RCOR1: variants seen among roughly 807,000 people sequenced by gnomAD.
The protein encoded by RCOR1 is REST corepressor 1.
A neutral mutation model predicts 64.0 loss-of-function variants in RCOR1; 12 were observed. That is an observed-to-expected ratio of 0.19 (90% CI 0.12 to 0.30). The LOEUF (loss-of-function observed/expected upper bound fraction) is 0.30, where lower values mean the gene tolerates loss of function less well. RCOR1 is among the 10% of genes least tolerant of loss of function. The probability of loss-of-function intolerance (pLI) is 1.00; values close to 1 mark genes in which losing one functional copy is unlikely to be tolerated. For missense variants in RCOR1, 502 were observed against 621.2 expected (o/e 0.81, Z 2.04); for synonymous variants, 279 against 227.2 (o/e 1.23, Z -2.05).
At chr14:102,599,057 C>T (rs957234925) in intron 2 of RCOR1, among the ~76,000 whole-genome samples, 2 of 152,078 alleles carry the variant, frequency 1.3e-5, no homozygotes, top group African/African-American at 2.4e-5. Flanking sequence ...GCTTATCTAT[C>T]CTACCTCTGG....
intron 2 of RCOR1, among the ~76,000 whole-genome samples, chr14:102,613,332 C>T (rs1202514692): frequency 1.3e-5 from 2 of 151,760 alleles, no homozygotes; most frequent in African/African-American, 2.4e-5. Flanking sequence ...AAACTCATGA[C>T]CTCAGGTGGT....
At chr14:102,653,920 CTTCTTTCTTTCTTTCT>C (rs553960381) in intron 2 of RCOR1, among the ~76,000 whole-genome samples, 1,989 of 98,824 alleles carry the variant, frequency 0.02, 99 homozygotes, top group East Asian at 0.067. Flanking sequence ...CAGGTATTTC[CTTCTTTCTTTCTTTCT>C]TTCTTTCTTT....
At chr14:102,636,973 A>G (rs934023485) in intron 2 of RCOR1, among the ~76,000 whole-genome samples, 1 of 152,066 alleles carries the variant, frequency 6.6e-6, no homozygotes, top group Non-Finnish European at 1.5e-5. Context: ...CTCTGTTTCA[A>G]AAAAACAAAA....
intron 2 of RCOR1, among the ~76,000 whole-genome samples, chr14:102,642,145 G>T (rs530615857): frequency 2.0e-5 from 3 of 151,810 alleles, no homozygotes; most frequent in East Asian, 1.9e-4. Flanking sequence ...TTTACTCCTC[G>T]TGCCCCAGCT....
At chr14:102,597,968 A>G (rs1456464427) in intron 2 of RCOR1, among the ~76,000 whole-genome samples, 1 of 151,988 alleles carries the variant, frequency 6.6e-6, no homozygotes, top group Non-Finnish European at 1.5e-5. Flanking sequence ...GATTACAGGC[A>G]TGGGCCACCA....
chr14:102,601,233 G>A (rs1263203988), intron 2 of RCOR1, among the ~76,000 whole-genome samples: 2 of 150,828 alleles, frequency 1.3e-5, no homozygotes, highest in Non-Finnish European at 3.0e-5. Flanking sequence ...GGCTGGTTTC[G>A]AACTCTTGAC....
At chr14:102,721,461 C>T (rs986182650) in intron 10 of RCOR1, 84 bp downstream of exon 10, 8 of 997,696 alleles carry the variant, frequency 8.0e-6, no homozygotes, top group Admixed American at 3.9e-5. Flanking sequence ...AAGGTTGACG[C>T]ATTTGCTTGA....
intron 6 of RCOR1, chr14:102,710,626 A>G (rs1224089022): frequency 3.8e-6 from 1 of 260,386 alleles, no homozygotes; most frequent in African/African-American, 2.3e-5. Context: ...ATGTAAATGC[A>G]TTTTCATTTT....
At chr14:102,631,404 C>T (rs1225385493) in intron 2 of RCOR1, among the ~76,000 whole-genome samples, 2 of 151,730 alleles carry the variant, frequency 1.3e-5, no homozygotes, top group Non-Finnish European at 2.9e-5. Context: ...GGGGTTTCAC[C>T]GTGTTAGCCA....
At chr14:102,714,292 C>G (rs1222898024) in intron 7 of RCOR1, 131 bp from the exon 8 acceptor site, 4 of 533,570 alleles carry the variant, frequency 7.5e-6, no homozygotes, top group African/African-American at 5.7e-5. Context: ...ATTTATAGAT[C>G]TCATTTGGTT....
intron 2 of RCOR1, 129 bp downstream of exon 2, chr14:102,593,454 ACAG>A (rs768111181): frequency 3.0e-6 from 3 of 999,436 alleles, no homozygotes; most frequent in Admixed American, 4.0e-5. Flanking sequence ...CGTGGGGAGA[ACAG>A]CAGGGCGAGG....
At chr14:102,708,715 A>G (rs1447165199) in intron 6 of RCOR1, 132 bp downstream of exon 6, 2 of 569,762 alleles carry the variant, frequency 3.5e-6, no homozygotes, top group African/African-American at 1.9e-5. Context: ...CATGAGATGT[A>G]TTAGAGCGTG....
intron 2 of RCOR1, among the ~76,000 whole-genome samples, chr14:102,678,249 TCA>T (rs1180212189): frequency 7.0e-6 from 1 of 143,434 alleles, no homozygotes; most frequent in Non-Finnish European, 1.5e-5. Context: ...GAGAGCTGTT[TCA>T]CAGTTTTTGA....
intron 2 of RCOR1, among the ~76,000 whole-genome samples, chr14:102,612,141 C>T (rs1893645602): frequency 6.6e-6 from 1 of 152,038 alleles, no homozygotes; most frequent in Admixed American, 6.6e-5. Flanking sequence ...AGACCAAATA[C>T]ATATTTCATA....
At chr14:102,630,517 A>G (rs1894089858) in intron 2 of RCOR1, among the ~76,000 whole-genome samples, 1 of 152,206 alleles carries the variant, frequency 6.6e-6, no homozygotes, top group South Asian at 2.1e-4. Context: ...ATTCAAAGCA[A>G]CTGTTCAAAG....
intron 3 of RCOR1, among the ~76,000 whole-genome samples, chr14:102,696,028 A>G (rs1020635298): frequency 6.6e-6 from 1 of 152,024 alleles, no homozygotes; most frequent in Admixed American, 6.6e-5. Flanking sequence ...AAATTCTCAG[A>G]CGTTAGCTGT....
At chr14:102,708,078 G>T (rs1392001627) in intron 5 of RCOR1, among the ~76,000 whole-genome samples, 6 of 151,256 alleles carry the variant, frequency 4.0e-5, no homozygotes, top group Non-Finnish European at 7.4e-5. Context: ...CCATTCTCCT[G>T]TCTCAGCCTC....
At chr14:102,602,379 C>A (rs950205457) in intron 2 of RCOR1, among the ~76,000 whole-genome samples, 2 of 118,680 alleles carry the variant, frequency 1.7e-5, no homozygotes, top group East Asian at 2.5e-4. Context: ...GCATTTTTTT[C>A]TTTTCTTTTC....
intron 2 of RCOR1, among the ~76,000 whole-genome samples, chr14:102,596,186 C>G (rs1454710383): frequency 1.3e-5 from 2 of 151,814 alleles, no homozygotes; most frequent in African/African-American, 4.8e-5. Context: ...ACCGCAACCT[C>G]TGCCTCCTGG....
Sources: allele counts gnomAD v4.1 joint callset (sites outside exome capture counted in the v4.1 genomes callset), GRCh38; gene constraint gnomAD v4.1.1; transcripts MANE v1.5; gene names NCBI Gene and HGNC (gene_info 2026-07-23, HGNC 2026-07-21).